The following SUCLG2 variants were observed in gnomAD, a reference collection of about 807,000 sequenced individuals.
The protein encoded by SUCLG2 is succinate--CoA ligase [GDP-forming] subunit beta, mitochondrial.
Under a neutral mutation model 47.9 loss-of-function variants are expected in SUCLG2, and 42 were observed. The observed-to-expected ratio is 0.88, with a 90% CI of 0.69 to 1.14. The LOEUF is 1.14. SUCLG2 is among the 50% of genes most tolerant of loss of function. The pLI, the probability that SUCLG2 is intolerant of heterozygous loss-of-function variation, is 0.00. For synonymous variants in SUCLG2, 195 were observed against 197.3 expected (o/e 0.99, Z 0.10); for missense variants, 571 against 525.9 (o/e 1.09, Z -0.84).
At position 67,400,760 on chromosome 3, in the gene SUCLG2, A is replaced by T. The variant is rs1303657425; in HGVS notation, c.1154T>A (p.Leu385His). 1 of 1,611,796 alleles carries T rather than the reference A, an allele frequency of 6.2e-7. No homozygotes were observed. Among genetic ancestry groups the T allele is most frequent in the Non-Finnish European group, 8.5e-7 (1 of 1,179,950 alleles). Residue 385 changes from leucine (L) to histidine (H), a missense_variant, in exon 10 of 11, where the codon CTC becomes CAC. By Grantham distance (99) the Leu-to-His change is moderately conservative (BLOSUM62 -3). Transcript: ENST00000307227. ...GITKACRELE[L>H]KVPLVVRLEG... Reference sequence around the variant, plus strand: ...AAGCCGGACCACCAGGGGCACCTTGAGTTCTAGCTCCCGGCAGGCTTTGGT... The same window carrying T: ...AAGCCGGACCACCAGGGGCACCTTGTGTTCTAGCTCCCGGCAGGCTTTGGT...
At chr3:67,448,640 T>C (rs940288708) in intron 9 of SUCLG2, among the ~76,000 whole-genome samples, 1 of 152,206 alleles carries the variant, frequency 6.6e-6, no homozygotes, top group Non-Finnish European at 1.5e-5. Context: ...AGATACCAGC[T>C]ACTTTTTGTT....
chr3:67,543,324 A>G (rs2107178893), intron 2 of SUCLG2, among the ~76,000 whole-genome samples: 1 of 152,320 alleles, frequency 6.6e-6, no homozygotes, highest in East Asian at 1.9e-4. Context: ...ATACACCTGT[A>G]AACAGTTACA....
intron 10 of SUCLG2, among the ~76,000 whole-genome samples, chr3:67,394,154 A>G (rs6548523): frequency 0.31 from 47,760 of 151,812 alleles, 8,160 homozygotes; most frequent in African/African-American, 0.44. Context: ...CACCAGCAAC[A>G]GAACAAAGCT....
At chr3:67,395,052 C>G (rs1055320325) in intron 10 of SUCLG2, among the ~76,000 whole-genome samples, 4 of 152,036 alleles carry the variant, frequency 2.6e-5, no homozygotes, top group Non-Finnish European at 5.9e-5. Context: ...CAACCGGTAC[C>G]AGCCGCGGCA....
At chr3:67,388,481 T>G (rs1015673173) in intron 10 of SUCLG2, among the ~76,000 whole-genome samples, 1 of 152,200 alleles carries the variant, frequency 6.6e-6, no homozygotes, top group African/African-American at 2.4e-5. Context: ...TTTCTGTGAA[T>G]GGAGCAGACC....
intron 9 of SUCLG2, among the ~76,000 whole-genome samples, chr3:67,444,845 C>T (rs1243055582): frequency 1.2e-4 from 1 of 8,572 alleles, no homozygotes; most frequent in Non-Finnish European, 2.1e-4. Flanking sequence ...CCCGGCCAGC[C>T]GCCCCGTCCG....
chr3:67,383,594 C>T (rs1471617939), intron 10 of SUCLG2, among the ~76,000 whole-genome samples: 1 of 152,152 alleles, frequency 6.6e-6, no homozygotes, highest in Non-Finnish European at 1.5e-5. Flanking sequence ...GCAGGAGCCC[C>T]CAGCTCCAGT....
intron 9 of SUCLG2, among the ~76,000 whole-genome samples, chr3:67,491,770 A>G (rs947292857): frequency 1.3e-5 from 2 of 152,190 alleles, no homozygotes; most frequent in Non-Finnish European, 2.9e-5. Flanking sequence ...TTATACTTTA[A>G]TAAGTTTATT....
chr3:67,400,319 A>C (rs1216341197), intron 10 of SUCLG2, among the ~76,000 whole-genome samples: 1 of 151,982 alleles, frequency 6.6e-6, no homozygotes, highest in Non-Finnish European at 1.5e-5. Flanking sequence ...AAGTAATTTC[A>C]GTTATCAAAT....
intron 2 of SUCLG2, among the ~76,000 whole-genome samples, chr3:67,561,259 A>C (rs1484370489): frequency 9.2e-5 from 14 of 151,912 alleles, no homozygotes; most frequent in Non-Finnish European, 1.5e-4. Flanking sequence ...ATCTTTTTGT[A>C]GTAAAGGGTT....
chr3:67,549,991 T>G (rs1004136692), intron 2 of SUCLG2, among the ~76,000 whole-genome samples: 1 of 152,258 alleles, frequency 6.6e-6, no homozygotes, highest in African/African-American at 2.4e-5. Context: ...CAGACACCAT[T>G]CAGCTCTACT....
intron 2 of SUCLG2, among the ~76,000 whole-genome samples, chr3:67,586,770 T>C (rs774565425): frequency 6.6e-6 from 1 of 152,188 alleles, no homozygotes; most frequent in Non-Finnish European, 1.5e-5. Context: ...AAATGTGACA[T>C]TTACTATGTT....
intron 1 of SUCLG2, among the ~76,000 whole-genome samples, chr3:67,633,896 CTTA>C (rs1388595233): frequency 6.6e-6 from 1 of 151,948 alleles, no homozygotes; most frequent in Non-Finnish European, 1.5e-5. Context: ...TAAAATATTT[CTTA>C]TATTTTATAT....
intron 1 of SUCLG2, among the ~76,000 whole-genome samples, chr3:67,610,821 A>G (rs966230627): frequency 6.6e-6 from 1 of 152,190 alleles, no homozygotes; most frequent in African/African-American, 2.4e-5. Flanking sequence ...TGTGTCCTTA[A>G]AATGTCATTT....
chr3:67,382,088 A>G (rs1702170994), intron 10 of SUCLG2, among the ~76,000 whole-genome samples: 1 of 152,224 alleles, frequency 6.6e-6, no homozygotes, highest in Admixed American at 6.5e-5. Flanking sequence ...TATTATTTTA[A>G]TAGGAATTCA....
intron 2 of SUCLG2, among the ~76,000 whole-genome samples, chr3:67,534,411 GT>G (rs1040738050): frequency 5.9e-5 from 9 of 151,708 alleles, no homozygotes; most frequent in African/African-American, 1.9e-4. Context: ...TTAAATCACA[GT>G]TTTTTCATAT....
chr3:67,532,337 T>A (rs1268394485), intron 2 of SUCLG2, among the ~76,000 whole-genome samples: 1 of 152,162 alleles, frequency 6.6e-6, no homozygotes, highest in Non-Finnish European at 1.5e-5. Context: ...AGGTTTCCCA[T>A]GTTGCTCCAG....
chr3:67,424,669 G>A (rs1703253310), intron 9 of SUCLG2, among the ~76,000 whole-genome samples: 1 of 151,988 alleles, frequency 6.6e-6, no homozygotes, highest in East Asian at 1.9e-4. Context: ...ACAAGATCCT[G>A]GCAAGTCATA....
chr3:67,372,229 G>T (rs540825748), downstream of SUCLG2, among the ~76,000 whole-genome samples: 8 of 152,288 alleles, frequency 5.3e-5, no homozygotes, highest in East Asian at 1.4e-3. Context: ...GACAATAGAA[G>T]AAATGATAGA....
Sources: gnomAD v4.1 joint callset for allele counts (sites outside exome capture counted in the v4.1 genomes callset) on GRCh38, gnomAD v4.1.1 for gene constraint, MANE v1.5 for transcripts, NCBI Gene and HGNC (gene_info 2026-07-23, HGNC 2026-07-21) for gene names.